ABCB11: variants seen among roughly 807,000 people sequenced by gnomAD.
ABCB11 encodes bile salt export pump.
ABCB11 carries 95 observed loss-of-function variants against 148.0 expected under a neutral mutation model. The ratio of observed to expected loss-of-function variants is 0.64; its 90% CI spans 0.54 to 0.76. The LOEUF (loss-of-function observed/expected upper bound fraction) is 0.76, where lower values mean the gene tolerates loss of function less well. Among genes scored for constraint, ABCB11 ranks in the 30% least tolerant of loss-of-function variants. The pLI is 0.00. For synonymous variants in ABCB11, 591 were observed against 555.4 expected (o/e 1.06, Z -0.90); for missense variants, 1,523 against 1,617.8 (o/e 0.94, Z 1.01).
Position 168,927,167 on chromosome 2 carries a change from A to G in ABCB11, c.3607T>C (p.Ser1203Pro). Residue 1203 changes from serine to proline, a missense_variant, in exon 26 of 28, where the codon TCA (serine) becomes CCA (proline). Ser to Pro is a moderately conservative substitution (Grantham distance 74). Transcript: ENST00000650372. The part of the protein sequence containing the change: ...KQAQLHDFVM[S>P]LPEKYETNVG... The stretch of plus-strand genomic sequence containing the variant: ...GACTTCGTACTCACCTCTGGGAGTG[A>G]CATGACAAAATCATGCAGCTGAGCC... The G allele has an allele frequency of 1.2e-6, 2 of 1,613,652 alleles. No homozygotes were observed. Among genetic ancestry groups the G allele is most frequent in the South Asian group, 2.2e-5 (2 of 91,066 alleles).
At chr2:168,986,354 T>C in intron 9 of ABCB11, 70 bp from the exon 10 acceptor site, 1 of 1,316,934 alleles carries the variant, frequency 7.6e-7, no homozygotes, top group Admixed American at 1.8e-5. Context: ...AAACAGGCCG[T>C]GATGCAGTGG....
At chr2:168,970,605 T>C (rs1469169643) in intron 14 of ABCB11, 2 of 321,174 alleles carry the variant, frequency 6.2e-6, no homozygotes, top group African/African-American at 4.3e-5. Flanking sequence ...GCAAAGGCTG[T>C]TTTTACATTA....
At chr2:168,930,449 G>C (rs1316816674) in intron 25 of ABCB11, among the ~76,000 whole-genome samples, 1 of 152,198 alleles carries the variant, frequency 6.6e-6, no homozygotes, top group Admixed American at 6.5e-5. Flanking sequence ...TAACTGGTCA[G>C]CAGGCCATCT....
intron 19 of ABCB11, among the ~76,000 whole-genome samples, chr2:168,948,438 C>T (rs1692423363): frequency 6.6e-6 from 1 of 151,530 alleles, no homozygotes; most frequent in African/African-American, 2.4e-5. Context: ...CACTCTATGC[C>T]CAACATTAGT....
intron 7 of ABCB11, among the ~76,000 whole-genome samples, chr2:168,994,948 G>A (rs1225451498): frequency 1.3e-5 from 2 of 151,962 alleles, no homozygotes. Context: ...CTGTCTTTCA[G>A]GGGACCTCAA....
intron 21 of ABCB11, among the ~76,000 whole-genome samples, chr2:168,943,008 A>T (rs928547523): frequency 6.6e-6 from 1 of 152,058 alleles, no homozygotes; most frequent in East Asian, 1.9e-4. Flanking sequence ...GATAAGTTTG[A>T]CCTGGGCTAG....
chr2:168,940,104 C>G (rs1267792642), intron 21 of ABCB11, among the ~76,000 whole-genome samples: 4 of 152,056 alleles, frequency 2.6e-5, no homozygotes, highest in African/African-American at 9.7e-5. Flanking sequence ...ACTAATAACG[C>G]TACCTTGGCC....
chr2:169,020,529 G>A (rs770030070), intron 1 of ABCB11, among the ~76,000 whole-genome samples: 4 of 151,972 alleles, frequency 2.6e-5, no homozygotes, highest in African/African-American at 7.3e-5. Flanking sequence ...TAGTCCAAAC[G>A]GTTCAGTAAT....
At chr2:168,929,975 G>A (rs1162531998) in intron 25 of ABCB11, among the ~76,000 whole-genome samples, 1 of 152,110 alleles carries the variant, frequency 6.6e-6, no homozygotes, top group Non-Finnish European at 1.5e-5. Flanking sequence ...AAAAATAGTT[G>A]CCTTTGAGCA....
chr2:168,937,921 C>T (rs567074), intron 21 of ABCB11, among the ~76,000 whole-genome samples: 63,069 of 151,976 alleles, frequency 0.41, 13,342 homozygotes, highest in Non-Finnish European at 0.45. Flanking sequence ...TCCAAATCGT[C>T]GTTTCAGTTG....
intron 1 of ABCB11, among the ~76,000 whole-genome samples, chr2:169,020,519 T>C (rs1344544900): frequency 2.0e-5 from 3 of 151,532 alleles, no homozygotes; most frequent in Admixed American, 6.6e-5. Context: ...TTATTGAAAA[T>C]AGTCCAAACG....
intron 5 of ABCB11, among the ~76,000 whole-genome samples, chr2:169,000,709 A>G (rs1466920741): frequency 6.6e-6 from 1 of 151,998 alleles, no homozygotes; most frequent in Non-Finnish European, 1.5e-5. Context: ...GGGTAGATTG[A>G]TTCTTCTCAC....
At chr2:168,933,108 C>T (rs1405184484) in intron 23 of ABCB11, among the ~76,000 whole-genome samples, 55 of 112,242 alleles carry the variant, frequency 4.9e-4, no homozygotes, top group Non-Finnish European at 6.7e-4. Context: ...GACTCCGTCT[C>T]AAAAAAAAAA....
At chr2:168,920,680 C>G (rs372737820), downstream of ABCB11, among the ~76,000 whole-genome samples, 7 of 152,140 alleles carry the variant, frequency 4.6e-5, no homozygotes, top group African/African-American at 1.7e-4. Context: ...AAGCCAACCC[C>G]TTGGTCATCT....
chr2:168,959,852 C>G lies in ABCB11; in HGVS notation c.2179-1724G>C, dbSNP rs527314447. Among the ~76,000 whole-genome samples the G allele has an allele frequency of 6.9e-5, 10 of 144,606 alleles. No homozygotes were observed. The East Asian group carries it at 2.1e-3, about 31-fold the overall frequency. 94.9% of individuals were successfully genotyped at this position (144,606 alleles called of 152,430 possible). A position where few individuals can be genotyped will look rare whatever the true frequency, so the allele number is the denominator to read the frequency against. On this transcript the variant is annotated intron_variant, in intron 18 of 27. Transcript: ENST00000650372. ...GGGGAGCCAGTGCAAATGCTGAACA[C>G]TGGCTACTGCTATTGCTATGAATAA...
chr2:168,985,052 C>T (rs1056109583), intron 10 of ABCB11, among the ~76,000 whole-genome samples: 4 of 151,900 alleles, frequency 2.6e-5, no homozygotes, highest in African/African-American at 9.7e-5. Context: ...GACTAATATC[C>T]GGAATCTACA....
At position 168,966,106 on chromosome 2, in the gene ABCB11, T is replaced by C. The variant is rs566627856; in HGVS notation, c.2076-1798A>G. Among the ~76,000 whole-genome samples the C allele has an allele frequency of 7.2e-5, 11 of 151,986 alleles. No homozygotes were observed. The South Asian group carries it at 2.3e-3, about 32-fold the overall frequency. On this transcript the variant is annotated intron_variant, in intron 17 of 27. Coordinates refer to ENST00000650372, the MANE Select transcript of ABCB11 (RefSeq NM_003742.4). ...CACCTAGCCTGAAACTACACAGCAATGAAGTCATTTCTCCCAGTTAGGTAA... is the reference window on the plus strand; with the variant it reads ...CACCTAGCCTGAAACTACACAGCAACGAAGTCATTTCTCCCAGTTAGGTAA...
chr2:168,924,817 T>G lies in ABCB11; in HGVS notation c.3619-14A>C, dbSNP rs1232948815. ...AGTTTCATATTTCTGAAAAAAAGTA[T>G]GATAAGTTTGAGAAATAGAAACAGT... On this transcript the variant is annotated splice_polypyrimidine_tract_variant and intron_variant, in intron 26 of 27. Transcript: ENST00000650372. The G allele has an allele frequency of 1.7e-5, 27 of 1,609,370 alleles. No homozygotes were observed. The African/African-American group carries it at 3.6e-4, about 22-fold the overall frequency.
chr2:168,940,694 T>C (rs1409374520), intron 21 of ABCB11, among the ~76,000 whole-genome samples: 1 of 152,090 alleles, frequency 6.6e-6, no homozygotes, highest in South Asian at 2.1e-4. Flanking sequence ...CAGCTTTCTA[T>C]TGGAGGAAGA....
Sources: allele counts gnomAD v4.1 joint callset (sites outside exome capture counted in the v4.1 genomes callset), GRCh38; gene constraint gnomAD v4.1.1; transcripts MANE v1.5; gene names NCBI Gene and HGNC (gene_info 2026-07-23, HGNC 2026-07-21).